RILPL2: variants seen among roughly 807,000 people sequenced by gnomAD.
RILPL2 encodes Rab interacting lysosomal protein like 2.
In RILPL2, 19 loss-of-function variants were observed where a neutral mutation model predicts 22.2. The observed-to-expected ratio is 0.86, with a 90% confidence interval of 0.60 to 1.25. The LOEUF is 1.25. Among genes scored for constraint, RILPL2 ranks in the 50% most tolerant of loss-of-function variants. RILPL2 has a pLI of 0.00. For synonymous variants in RILPL2, 123 were observed against 111.6 expected, an observed-to-expected ratio of 1.10 and a Z score of -0.64; for missense variants, 243 against 263.6, an observed-to-expected ratio of 0.92 and a Z score of 0.54.
intron 1 of RILPL2, among the ~76,000 whole-genome samples, chr12:123,433,028 G>A (rs1044259452): frequency 6.6e-6 from 1 of 151,966 alleles, no homozygotes; most frequent in South Asian, 2.1e-4. Flanking sequence ...GGAAGCTACA[G>A]GGAAACTTCA....
At chr12:123,434,194 G>A (rs1365680690) in intron 1 of RILPL2, among the ~76,000 whole-genome samples, 3 of 152,122 alleles carry the variant, frequency 2.0e-5, no homozygotes, top group African/African-American at 2.4e-5. Context: ...TGAGGTGGGC[G>A]TATCACTTAA....
intron 1 of RILPL2, among the ~76,000 whole-genome samples, chr12:123,433,785 G>A (rs1462661227): frequency 6.6e-6 from 1 of 152,132 alleles, no homozygotes; most frequent in Non-Finnish European, 1.5e-5. Flanking sequence ...CTTCTTGAGG[G>A]CAGGGACCTT....
intron 1 of RILPL2, among the ~76,000 whole-genome samples, chr12:123,435,139 C>T (rs769541806): frequency 2.6e-5 from 4 of 151,378 alleles, no homozygotes; most frequent in East Asian, 2.0e-4. Context: ...GAGGTCACGC[C>T]ACTGCACTAC....
intron 2 of RILPL2, among the ~76,000 whole-genome samples, chr12:123,427,938 T>C (rs1879489210): frequency 6.6e-6 from 1 of 152,170 alleles, no homozygotes; most frequent in African/African-American, 2.4e-5. Context: ...CATGCTGGCT[T>C]CTCCACAATA....
At chr12:123,434,311 G>A (rs1048170600) in intron 1 of RILPL2, among the ~76,000 whole-genome samples, 3 of 152,006 alleles carry the variant, frequency 2.0e-5, no homozygotes, top group Non-Finnish European at 4.4e-5. Context: ...CTAGCTACTG[G>A]AGAGGCTGAA....
intron 2 of RILPL2, among the ~76,000 whole-genome samples, 199 bp from the exon 3 acceptor site, chr12:123,423,356 C>T (rs535382151): frequency 6.6e-6 from 1 of 151,798 alleles, no homozygotes; most frequent in Non-Finnish European, 1.5e-5. Flanking sequence ...CGCCTGCCAC[C>T]ATGCTCGGCT....
intron 2 of RILPL2, among the ~76,000 whole-genome samples, chr12:123,429,584 T>G (rs1483980550): frequency 2.0e-5 from 3 of 151,510 alleles, no homozygotes; most frequent in African/African-American, 7.3e-5. Context: ...CGTGCCACCA[T>G]CCCCAGTCGT....
At chr12:123,430,152 G>A (rs1431766876) in intron 2 of RILPL2, among the ~76,000 whole-genome samples, 1 of 134,720 alleles carries the variant, frequency 7.4e-6, no homozygotes, top group Non-Finnish European at 1.5e-5. Context: ...GCTCATGCCT[G>A]TAATCCCGGC....
rs1879813718 is a variant in RILPL2 at position 123,436,593 on chromosome 12, GGCCTGCGCC to G, written c.-182_-174del. 9.2e-7 allele frequency: 1 copy of G among 1,084,776 alleles called. No individual in the cohort carries two copies. Among genetic ancestry groups the G allele is most frequent in the African/African-American group, 1.6e-5 (1 of 62,958 alleles). The allele number at this position is 1,084,776 out of a possible 1,614,324, so 67.2% of individuals were successfully genotyped here. A position where few individuals can be genotyped will look rare whatever the true frequency, so the allele number is the denominator to read the frequency against. ...CAAGGGGCCGCGCACGCGACTCTTG[GGCCTGCGCC>G]CCGGCGCACCGTCCCCGCTGCCAGC... is the stretch of plus-strand genomic sequence containing the variant. On this transcript the variant is annotated 5_prime_UTR_variant, in exon 1 of 4. Coordinates refer to ENST00000280571, the MANE Select transcript of RILPL2 (RefSeq NM_145058.3). The surrounding 1 kb of genome is among the most constrained non-coding windows in gnomAD (Gnocchi z 6.7).
chr12:123,423,207 T>TG, intron 2 of RILPL2, 50 bp from the exon 3 acceptor site: 1 of 1,210,402 alleles, frequency 8.3e-7, no homozygotes, highest in Non-Finnish European at 1.2e-6. Flanking sequence ...CAGATCGTTT[T>TG]TTTTTTTTTT....
At chr12:123,435,620 TC>T (rs1482490509) in intron 1 of RILPL2, among the ~76,000 whole-genome samples, 44 of 151,764 alleles carry the variant, frequency 2.9e-4, no homozygotes, top group African/African-American at 8.2e-4. Flanking sequence ...ATGCCTGTAC[TC>T]CCAGCTACTT....
At chr12:123,435,940 C>T in intron 1 of RILPL2, 142 bp downstream of exon 1, 1 of 1,248,588 alleles carries the variant, frequency 8.0e-7, no homozygotes, top group Non-Finnish European at 1.1e-6. Flanking sequence ...CCAGCCTGGG[C>T]AACACAGCGA....
In RILPL2 at chr12:123,415,880, T is replaced by C. The variant is rs2139229864; in HGVS notation, c.*11A>G. ...AGAATCAGAGCCATAGCCTTACTTG[T>C]GGCCTTGGATCTAGGTCTGTTTCCC... On this transcript the variant is annotated 3_prime_UTR_variant, in exon 4 of 4. Transcript: ENST00000280571. The C allele has an allele frequency of 1.2e-6, 2 of 1,614,020 alleles. No homozygotes were observed. Among genetic ancestry groups the C allele is most frequent in the Non-Finnish European group, 1.7e-6 (2 of 1,179,878 alleles).
intron 3 of RILPL2, among the ~76,000 whole-genome samples, chr12:123,419,314 C>G (rs1278208088): frequency 6.6e-6 from 1 of 152,138 alleles, no homozygotes; most frequent in Non-Finnish European, 1.5e-5. Flanking sequence ...TGAGCTACTG[C>G]GCCCGGCCTA....
At chr12:123,423,228 G>A in intron 2 of RILPL2, 71 bp from the exon 3 acceptor site, 2 of 1,007,978 alleles carry the variant, frequency 2.0e-6, no homozygotes, top group Non-Finnish European at 2.9e-6. Context: ...TTGAGTTGGA[G>A]TCTTTCTCTG....
chr12:123,410,691 G>A (rs181203176), downstream of RILPL2: 1 of 149,840 alleles, frequency 6.7e-6, no homozygotes, highest in African/African-American at 2.5e-5. Flanking sequence ...CAGGGTGATT[G>A]TGAGGATTTA....
downstream of RILPL2, chr12:123,413,671 G>C (rs904173670): frequency 2.0e-5 from 3 of 152,244 alleles, no homozygotes; most frequent in Admixed American, 1.3e-4. Context: ...TGCCACTGCT[G>C]CCTGGGGCAG....
intron 2 of RILPL2, among the ~76,000 whole-genome samples, chr12:123,429,072 C>G (rs1879522174): frequency 6.6e-6 from 1 of 152,124 alleles, no homozygotes. Context: ...ATTATGGCAA[C>G]AGCTTTTTTA....
the RILPL2 span, among the ~76,000 whole-genome samples, chr12:123,410,036 C>T: frequency 0.083 from 12,565 of 151,996 alleles, 1,419 homozygotes; most frequent in African/African-American, 0.26. Flanking sequence ...ACAGTAGAGA[C>T]AGGGTTTCAC....
Sources: allele counts gnomAD v4.1 joint callset (sites outside exome capture counted in the v4.1 genomes callset), GRCh38; gene constraint gnomAD v4.1.1; non-coding constraint Gnocchi (gnomAD v3.1); transcripts MANE v1.5; gene names NCBI Gene and HGNC (gene_info 2026-07-23, HGNC 2026-07-21).